CFDP1: variants seen among roughly 807,000 people sequenced by gnomAD.
The protein encoded by CFDP1 is chromatin remodeling protein CFDP1, also known as heterochromatin-stabilizing protein CFDP1.
CFDP1 carries 31 observed loss-of-function variants against 40.1 expected under a neutral mutation model. The observed-to-expected ratio is 0.77, with a 90% CI of 0.58 to 1.04. The LOEUF (loss-of-function observed/expected upper bound fraction) is 1.04. CFDP1 is among the 50% of genes least tolerant of loss of function. The probability of loss-of-function intolerance (pLI) is 0.00; values close to 1 mark genes in which losing one functional copy is unlikely to be tolerated. For missense variants in CFDP1, 423 were observed against 343.4 expected (o/e 1.23, Z -1.83); for synonymous variants, 167 against 120.0 (o/e 1.39, Z -2.56).
intron 6 of CFDP1, among the ~76,000 whole-genome samples, chr16:75,298,416 G>A (rs757096363): frequency 6.6e-5 from 10 of 152,160 alleles, no homozygotes; most frequent in Non-Finnish European, 1.2e-4. Context: ...AAGAGGGAGA[G>A]CACATGGAAG....
chr16:75,319,865 T>A (rs1247204079), intron 5 of CFDP1, among the ~76,000 whole-genome samples: 2 of 152,226 alleles, frequency 1.3e-5, no homozygotes, highest in African/African-American at 4.8e-5. Flanking sequence ...GTCACTTTGC[T>A]AAGGCAATAC....
chr16:75,409,659 C>T (rs1001064538), intron 4 of CFDP1, among the ~76,000 whole-genome samples: 3 of 152,100 alleles, frequency 2.0e-5, no homozygotes, highest in South Asian at 2.1e-4. Context: ...TGCCCTTGGT[C>T]GTAGGAGACA....
intron 5 of CFDP1, among the ~76,000 whole-genome samples, chr16:75,327,935 G>C (rs368179228): frequency 1.3e-5 from 2 of 152,116 alleles, no homozygotes; most frequent in East Asian, 1.9e-4. Context: ...TCACCATGTT[G>C]GCCAGGCTGG....
chr16:75,361,304 C>A (rs1354103771), intron 5 of CFDP1, among the ~76,000 whole-genome samples: 2 of 152,186 alleles, frequency 1.3e-5, no homozygotes, highest in Non-Finnish European at 1.5e-5. Flanking sequence ...AGTAACCACA[C>A]CCAGGCAAGT....
chr16:75,382,755 T>A (rs2078862522), intron 5 of CFDP1, among the ~76,000 whole-genome samples: 1 of 152,192 alleles, frequency 6.6e-6, no homozygotes, highest in South Asian at 2.1e-4. Context: ...TTTTTGTACA[T>A]GATATTCCTT....
intron 5 of CFDP1, among the ~76,000 whole-genome samples, chr16:75,334,254 C>G (rs76851554): frequency 1.6e-3 from 250 of 151,664 alleles, no homozygotes; most frequent in Non-Finnish European, 3.2e-3. Flanking sequence ...GCTAAGCAAA[C>G]GTTTGCTTCT....
intron 5 of CFDP1, among the ~76,000 whole-genome samples, chr16:75,365,879 A>G (rs1043659840): frequency 1.3e-5 from 2 of 152,352 alleles, no homozygotes; most frequent in Middle Eastern, 3.4e-3. Context: ...CAAAAAGGCC[A>G]ACACTACCAG....
chr16:75,351,024 A>C (rs1019486080), intron 5 of CFDP1, among the ~76,000 whole-genome samples: 3 of 152,204 alleles, frequency 2.0e-5, no homozygotes, highest in Non-Finnish European at 4.4e-5. Flanking sequence ...AAAACAAAGC[A>C]CAACAAGCCA....
chr16:75,431,536 G>C (rs1597415569), intron 1 of CFDP1, among the ~76,000 whole-genome samples: 1 of 151,350 alleles, frequency 6.6e-6, no homozygotes, highest in African/African-American at 2.4e-5. Flanking sequence ...CACCTACTTA[G>C]GAGGCTGAGG....
intron 1 of CFDP1, among the ~76,000 whole-genome samples, chr16:75,429,557 G>A (rs1045417418): frequency 2.0e-5 from 3 of 152,152 alleles, no homozygotes; most frequent in African/African-American, 7.2e-5. Flanking sequence ...GGAGGCTGAG[G>A]CAAGAGAATC....
chr16:75,422,411 T>C (rs891897442), intron 1 of CFDP1, among the ~76,000 whole-genome samples: 1 of 150,048 alleles, frequency 6.7e-6, no homozygotes, highest in Non-Finnish European at 1.5e-5. Context: ...TTTTTTTTTT[T>C]TTTTTTGAGA....
intron 5 of CFDP1, among the ~76,000 whole-genome samples, chr16:75,330,392 G>C (rs944548444): frequency 2.0e-5 from 3 of 152,194 alleles, no homozygotes; most frequent in African/African-American, 4.8e-5. Context: ...TTCAAGACCA[G>C]CCTGACCAAC....
At chr16:75,397,047 G>A (rs1328331378) in intron 4 of CFDP1, among the ~76,000 whole-genome samples, 1 of 152,010 alleles carries the variant, frequency 6.6e-6, no homozygotes, top group Admixed American at 6.5e-5. Context: ...CCAAGCAGCT[G>A]GGACTACGGG....
chr16:75,360,294 G>C (rs1475974705), intron 5 of CFDP1, among the ~76,000 whole-genome samples: 1 of 152,074 alleles, frequency 6.6e-6, no homozygotes, highest in East Asian at 1.9e-4. Flanking sequence ...AGACCATTCT[G>C]GTATTTTCTA....
chr16:75,425,286 C>G (rs1188011673), intron 1 of CFDP1, among the ~76,000 whole-genome samples: 1 of 149,970 alleles, frequency 6.7e-6, no homozygotes, highest in East Asian at 2.0e-4. Flanking sequence ...ACACAGGAGG[C>G]TGAGGAAGGA....
At chr16:75,350,943 T>G (rs2078606280) in intron 5 of CFDP1, among the ~76,000 whole-genome samples, 1 of 152,090 alleles carries the variant, frequency 6.6e-6, no homozygotes, top group South Asian at 2.1e-4. Flanking sequence ...TCAAGTGACT[T>G]TAGAACACAG....
At chr16:75,377,769 C>G (rs2078814648) in intron 5 of CFDP1, among the ~76,000 whole-genome samples, 1 of 152,170 alleles carries the variant, frequency 6.6e-6, no homozygotes, top group South Asian at 2.1e-4. Context: ...TTCTCATAGG[C>G]AGTAAAAACC....
intron 5 of CFDP1, among the ~76,000 whole-genome samples, chr16:75,329,133 G>C (rs2078426605): frequency 1.3e-5 from 2 of 152,082 alleles, no homozygotes; most frequent in African/African-American, 4.8e-5. Flanking sequence ...ACAGGCATGA[G>C]AGCCACTGTG....
intron 5 of CFDP1, among the ~76,000 whole-genome samples, chr16:75,329,085 G>A (rs1418256884): frequency 2.0e-5 from 3 of 152,082 alleles, no homozygotes; most frequent in Admixed American, 1.3e-4. Context: ...CTGACCTCAG[G>A]TGATCTGCCC....
Sources: gnomAD v4.1 joint callset for allele counts (sites outside exome capture counted in the v4.1 genomes callset) on GRCh38, gnomAD v4.1.1 for gene constraint, MANE v1.5 for transcripts, NCBI Gene and HGNC (gene_info 2026-07-23, HGNC 2026-07-21) for gene names.